The following DOCK8 variants were observed in gnomAD, a reference collection of about 807,000 sequenced individuals.
DOCK8 encodes the protein dedicator of cytokinesis protein 8.
DOCK8 carries 141 observed loss-of-function variants against 245.6 expected under a neutral mutation model. That is an observed-to-expected ratio of 0.57 (90% CI 0.50 to 0.66). The LOEUF is 0.66. Ranked by LOEUF, DOCK8 falls within the 30% of genes least tolerant of loss-of-function variation. The pLI, the probability that DOCK8 is intolerant of heterozygous loss-of-function variation, is 0.00. For synonymous variants in DOCK8, 1,168 were observed against 970.2 expected (o/e 1.20, Z -3.79); for missense variants, 2,965 against 2,603.4 (o/e 1.14, Z -3.02).
At chr9:375,700 AAAT>A (rs2053486274) in intron 18 of DOCK8, among the ~76,000 whole-genome samples, 1 of 152,206 alleles carries the variant, frequency 6.6e-6, no homozygotes, top group African/African-American at 2.4e-5. Context: ...GTCTAAGTAA[AAAT>A]AACTAGTTTG....
chr9:287,226 T>C (rs17721011), intron 3 of DOCK8, among the ~76,000 whole-genome samples: 19,845 of 152,216 alleles, frequency 0.13, 1,467 homozygotes, highest in Admixed American at 0.17. Flanking sequence ...AGAATAAATA[T>C]GTGAATAGCT....
chr9:406,790 C>G, intron 27 of DOCK8, 140 bp from the exon 28 acceptor site: 1 of 1,012,864 alleles, frequency 9.9e-7, no homozygotes, highest in Non-Finnish European at 1.5e-6. Context: ...TCCTTGTCCG[C>G]CTTATCTGGC....
chr9:242,458 A>T lies in DOCK8; in HGVS notation c.53+27429A>T, dbSNP rs151260408. Among the ~76,000 whole-genome samples the T allele has an allele frequency of 3.3e-3, 503 of 152,306 alleles. 4 individuals are homozygous for T. The highest frequency in any genetic ancestry group is 0.012 in the African/African-American group (482 of 41,554). Reference sequence around the variant, plus strand: ...ACATGTCTTGTTATGTTAAAGGAAAAAGCTAGAGACAATATGATTATTAAT... The same window carrying T: ...ACATGTCTTGTTATGTTAAAGGAAATAGCTAGAGACAATATGATTATTAAT... On this transcript the variant is annotated intron_variant, in intron 1 of 47. Coordinates refer to ENST00000432829, the MANE Select transcript of DOCK8 (RefSeq NM_203447.4).
At chr9:215,865 A>G (rs1409920310) in intron 1 of DOCK8, 2 of 167,434 alleles carry the variant, frequency 1.2e-5, no homozygotes, top group Non-Finnish European at 2.9e-5. Context: ...TTGCCCTGAG[A>G]AAGCTAGACT....
chr9:312,854 CGT>C, intron 6 of DOCK8: 3 of 175,752 alleles, frequency 1.7e-5, no homozygotes, highest in South Asian at 2.7e-4. Flanking sequence ...TTCCCCTCTG[CGT>C]GAGGTTATCT....
chr9:212,764 T>C (rs150508261), upstream of DOCK8: 1 of 152,354 alleles, frequency 6.6e-6, no homozygotes, highest in African/African-American at 2.4e-5. Flanking sequence ...ATGGAAGGTT[T>C]TATGATTCCC....
At chr9:336,521 A>G (rs527900083) in intron 11 of DOCK8, 61 bp from the exon 12 acceptor site, 3 of 1,609,156 alleles carry the variant, frequency 1.9e-6, no homozygotes, top group African/African-American at 2.7e-5. Context: ...TGTGAAGTTA[A>G]TAACTGCTGT....
intron 26 of DOCK8, among the ~76,000 whole-genome samples, chr9:401,766 A>C (rs1378363178): frequency 1.3e-5 from 2 of 152,124 alleles, no homozygotes; most frequent in African/African-American, 4.8e-5. Flanking sequence ...AAAAAAGAAA[A>C]AGACATGACT....
At chr9:404,839 G>A in intron 26 of DOCK8, 79 bp from the exon 27 acceptor site, 1 of 1,487,792 alleles carries the variant, frequency 6.7e-7, no homozygotes, top group Non-Finnish European at 9.3e-7. Context: ...GGAGAGAAAG[G>A]ATATTTTTGT....
chr9:220,470 A>G (rs2046855983), intron 1 of DOCK8, among the ~76,000 whole-genome samples: 2 of 152,048 alleles, frequency 1.3e-5, no homozygotes, highest in East Asian at 3.9e-4. Context: ...TCCCATCTCA[A>G]CTCCCCATAA....
At chr9:235,118 C>T (rs1012245277) in intron 1 of DOCK8, among the ~76,000 whole-genome samples, 1 of 152,148 alleles carries the variant, frequency 6.6e-6, no homozygotes, top group Non-Finnish European at 1.5e-5. Context: ...TTCTAACAGA[C>T]AGGACCCTCA....
rs778681795 is a variant in DOCK8, at chr9:443,482, C to G, written c.5546C>G (p.Thr1849Ser). 17 of 1,613,984 alleles carry G rather than the reference C, an allele frequency of 1.1e-5. No homozygotes were observed. ...TTTGTGGAAGTGATTAAAGACTCCACTCCTGTGGACAAAACCAAGTTGGAT... is the reference window on the plus strand; with the variant it reads ...TTTGTGGAAGTGATTAAAGACTCCAGTCCTGTGGACAAAACCAAGTTGGAT... ...AEFVEVIKDS[T>S]PVDKTKLDPN... The change falls in exon 43 of 48, where the codon ACT becomes AGT. Residue 1849 changes from threonine (T) to serine (S), a missense_variant. This residue lies in a region of DOCK8 where 2,825 missense variants were observed against 2,453.5 expected (regional missense o/e 1.15). Coordinates refer to ENST00000432829, the MANE Select transcript of DOCK8 (RefSeq NM_203447.4).
At chr9:411,995 G>A (rs560883664) in intron 28 of DOCK8, among the ~76,000 whole-genome samples, 1 of 152,250 alleles carries the variant, frequency 6.6e-6, no homozygotes, top group Non-Finnish European at 1.5e-5. Context: ...ACTTATTAGT[G>A]AAAAACAGTG....
chr9:272,207 T>A (rs1356709041), intron 2 of DOCK8, among the ~76,000 whole-genome samples: 2 of 151,118 alleles, frequency 1.3e-5, no homozygotes, highest in Non-Finnish European at 2.9e-5. Flanking sequence ...CAACTTAGAG[T>A]CACTTAACCT....
intron 28 of DOCK8, 99 bp downstream of exon 28, chr9:407,168 A>G (rs540393147): frequency 2.0e-6 from 3 of 1,537,424 alleles, no homozygotes; most frequent in Admixed American, 1.8e-5. Context: ...AAAAAACTCT[A>G]CTGTAGTTGA....
At chr9:352,432 G>T (rs746116345) in intron 14 of DOCK8, among the ~76,000 whole-genome samples, 18 of 152,090 alleles carry the variant, frequency 1.2e-4, no homozygotes, top group Admixed American at 7.2e-4. Flanking sequence ...CGGCATCCCA[G>T]GCCAGCAGCC....
intron 40 of DOCK8, among the ~76,000 whole-genome samples, chr9:439,608 T>C (rs920980136): frequency 6.6e-6 from 1 of 152,252 alleles, no homozygotes; most frequent in Non-Finnish European, 1.5e-5. Context: ...AGTGCCGATC[T>C]GAGCTTCACT....
At position 275,620 on chromosome 9, in the gene DOCK8, G is replaced by A. The variant is rs533934712; in HGVS notation, c.156+3891G>A. On this transcript the variant is annotated intron_variant, in intron 2 of 47. Transcript: ENST00000432829. ...AATGTATTTTTTGAGATGGAGTCTC[G>A]CTCTGTCACCCAGGCTGGAGTGCAG... is the stretch of plus-strand genomic sequence containing the variant. 9.9e-5 allele frequency among the ~76,000 whole-genome samples: 15 copies of A among 152,108 alleles called. 1 individual carries two copies. Among genetic ancestry groups the A allele is most frequent in the Admixed American group, 3.3e-4 (5 of 15,274 alleles).
At chr9:217,661 A>G (rs913425985) in intron 1 of DOCK8, among the ~76,000 whole-genome samples, 1 of 152,228 alleles carries the variant, frequency 6.6e-6, no homozygotes, top group Non-Finnish European at 1.5e-5. Flanking sequence ...CAGATTAATA[A>G]GGACATACCT....
Sources: gnomAD v4.1 joint callset for allele counts (sites outside exome capture counted in the v4.1 genomes callset) on GRCh38, gnomAD v4.1.1 for gene constraint, gnomAD v4.1.1 regional missense constraint, MANE v1.5 for transcripts, NCBI Gene and HGNC (gene_info 2026-07-23, HGNC 2026-07-21) for gene names.